Variants in ASB15 observed in about 807,000 individuals in gnomAD.
ASB15 encodes the protein ankyrin repeat and SOCS box protein 15.
A neutral mutation model predicts 58.0 loss-of-function variants in ASB15; 54 were observed. That is an observed-to-expected ratio of 0.93 (90% CI 0.75 to 1.17). The LOEUF (loss-of-function observed/expected upper bound fraction) is 1.17, where lower values mean the gene tolerates loss of function less well. Among genes scored for constraint, ASB15 ranks in the 50% most tolerant of loss-of-function variants. ASB15 has a pLI of 0.00. For missense variants in ASB15, 680 were observed against 707.4 expected (o/e 0.96, Z 0.44); for synonymous variants, 249 against 262.4 (o/e 0.95, Z 0.50).
At chr7:123,627,417 A>G (rs1314412066) in intron 9 of ASB15, 136 bp downstream of exon 9, 1 of 643,756 alleles carries the variant, frequency 1.6e-6, no homozygotes, top group East Asian at 3.1e-5. Flanking sequence ...TGATGCTCCA[A>G]ATTTAGATAT....
Position 123,616,395 on chromosome 7 carries a change from A to ATATAAAT in ASB15, c.193_199dup (p.Tyr67LeufsTer2), listed in dbSNP as rs761654136. On this transcript the variant is annotated frameshift_variant, in exon 6 of 12. Transcript: ENST00000451215. LOFTEE classifies it high-confidence loss of function. Reference sequence around the variant, plus strand: ...TTCCTGAGCTCCAGGAGTATGTAAAATATAAATATGCAATGGATGAAGCTG... The same window carrying ATATAAAT: ...TTCCTGAGCTCCAGGAGTATGTAAAATATAAATTATAAATATGCAATGGATGAAGCTG... 4 of 1,608,554 alleles carry ATATAAAT rather than the reference A, an allele frequency of 2.5e-6. No individual in the cohort carries two copies. The highest frequency in any genetic ancestry group is 3.4e-6 in the Non-Finnish European group (4 of 1,175,426).
intron 1 of ASB15, among the ~76,000 whole-genome samples, chr7:123,596,800 CA>C (rs1799707728): frequency 6.6e-6 from 1 of 151,980 alleles, no homozygotes; most frequent in African/African-American, 2.4e-5. Context: ...GAAATTGAAA[CA>C]AAACACAAAT....
chr7:123,634,700 A>C (rs1019593510), intron 11 of ASB15, among the ~76,000 whole-genome samples: 17 of 152,244 alleles, frequency 1.1e-4, no homozygotes, highest in Non-Finnish European at 1.0e-4. Flanking sequence ...ACTAAAGAGT[A>C]GATAAGTAAA....
At chr7:123,624,913 A>C in intron 8 of ASB15, 99 bp downstream of exon 8, 1 of 1,394,400 alleles carries the variant, frequency 7.2e-7, no homozygotes. Context: ...TAACTAGGGG[A>C]GCTCCTCTTC....
At chr7:123,613,977 C>T (rs1346451298) in intron 3 of ASB15, among the ~76,000 whole-genome samples, 1 of 151,958 alleles carries the variant, frequency 6.6e-6, no homozygotes. Flanking sequence ...ATCCAGGAGG[C>T]GGAGGTTGCA....
upstream of ASB15, among the ~76,000 whole-genome samples, chr7:123,598,231 T>G (rs1799762403): frequency 6.6e-6 from 1 of 152,180 alleles, no homozygotes; most frequent in South Asian, 2.1e-4. Context: ...GTCCTGTATC[T>G]GTATAGGGAT....
rs1453600938 is a variant in ASB15, at chr7:123,617,469, T to C, written c.293-110T>C. 8 of 980,294 alleles carry C rather than the reference T, an allele frequency of 8.2e-6. No individual in the cohort carries two copies. The Admixed American group carries it at 2.0e-4, about 25-fold the overall frequency. 60.7% of individuals were successfully genotyped at this position (980,294 alleles called of 1,614,324 possible). A position where few individuals can be genotyped will look rare whatever the true frequency, so the allele number is the denominator to read the frequency against. Reference sequence around the variant, plus strand: ...TTTTGTCAAAGTCCTTTCATTTTCATCAATTGACTTTGTTCAATCCGATGT... The same window carrying C: ...TTTTGTCAAAGTCCTTTCATTTTCACCAATTGACTTTGTTCAATCCGATGT... On this transcript the variant is annotated intron_variant, in intron 6 of 11. Coordinates refer to ENST00000451215, the MANE Select transcript of ASB15 (RefSeq NM_001290258.2).
At chr7:123,617,540 GT>G in intron 6 of ASB15, 38 bp from the exon 7 acceptor site, 1 of 1,539,932 alleles carries the variant, frequency 6.5e-7, no homozygotes, top group Non-Finnish European at 8.9e-7. Flanking sequence ...CTATAAGTGA[GT>G]ATTTTCAACT....
chr7:123,573,500 A>C (rs1021279489), intron 1 of ASB15, among the ~76,000 whole-genome samples: 1 of 152,026 alleles, frequency 6.6e-6, no homozygotes, highest in Non-Finnish European at 1.5e-5. Context: ...TCAAGCAAAG[A>C]AGCAGCTCGG....
chr7:123,611,310 T>G (rs1312429477), intron 3 of ASB15, among the ~76,000 whole-genome samples: 1 of 152,148 alleles, frequency 6.6e-6, no homozygotes, highest in Non-Finnish European at 1.5e-5. Flanking sequence ...TTTTCTTTTT[T>G]TTGAGACGGA....
chr7:123,600,949 C>T (rs544749348), upstream of ASB15, among the ~76,000 whole-genome samples: 1 of 152,066 alleles, frequency 6.6e-6, no homozygotes, highest in African/African-American at 2.4e-5. Context: ...GCAGCAAATC[C>T]AATGAGGGTT....
At chr7:123,618,275 C>T (rs113542864) in intron 7 of ASB15, among the ~76,000 whole-genome samples, 5 of 151,666 alleles carry the variant, frequency 3.3e-5, no homozygotes, top group African/African-American at 7.3e-5. Context: ...TTGTATATCC[C>T]GCTATTTGCT....
intron 9 of ASB15, among the ~76,000 whole-genome samples, chr7:123,628,096 A>T (rs990075389): frequency 6.6e-6 from 1 of 152,234 alleles, no homozygotes; most frequent in African/African-American, 2.4e-5. Context: ...CTGGTTAGTC[A>T]AGTGTGAAAC....
chr7:123,614,754 C>T (rs1253341022), intron 4 of ASB15, 145 bp downstream of exon 4: 13 of 658,908 alleles, frequency 2.0e-5, no homozygotes, highest in Non-Finnish European at 3.5e-5. Context: ...TTTCCAAGGG[C>T]CACTGTTCAT....
intron 1 of ASB15, among the ~76,000 whole-genome samples, chr7:123,594,005 T>A (rs962702468): frequency 1.3e-5 from 2 of 152,146 alleles, no homozygotes; most frequent in African/African-American, 2.4e-5. Context: ...TCTAATCTTG[T>A]CTTCTCGCTT....
chr7:123,602,254 A>T (rs1308019155), intron 1 of ASB15, among the ~76,000 whole-genome samples: 2 of 152,010 alleles, frequency 1.3e-5, no homozygotes, highest in East Asian at 1.9e-4. Context: ...GGTTTCTAAT[A>T]AAAAAAATTA....
intron 1 of ASB15, among the ~76,000 whole-genome samples, chr7:123,575,820 T>TTTC (rs1313951658): frequency 2.0e-5 from 3 of 150,822 alleles, no homozygotes; most frequent in Non-Finnish European, 4.4e-5. Context: ...AGTTTTCTTT[T>TTTC]TTTTTTTTTT....
chr7:123,627,856 T>C (rs1248567606), intron 9 of ASB15, among the ~76,000 whole-genome samples: 5 of 152,186 alleles, frequency 3.3e-5, no homozygotes, highest in Admixed American at 3.3e-4. Flanking sequence ...CTACCCACCA[T>C]GAGAAGATGG....
At chr7:123,578,863 T>A (rs1799144851) in intron 1 of ASB15, among the ~76,000 whole-genome samples, 1 of 152,156 alleles carries the variant, frequency 6.6e-6, no homozygotes, top group South Asian at 2.1e-4. Context: ...CTGTTTGTCT[T>A]CATTAACATA....
Sources: allele counts gnomAD v4.1 joint callset (sites outside exome capture counted in the v4.1 genomes callset), GRCh38; gene constraint gnomAD v4.1.1; transcripts MANE v1.5; gene names NCBI Gene and HGNC (gene_info 2026-07-23, HGNC 2026-07-21).